PRDM15: variants seen among roughly 807,000 people sequenced by gnomAD.
PRDM15 encodes PR domain zinc finger protein 15.
PRDM15 carries 64 observed loss-of-function variants against 128.6 expected under a neutral mutation model. That is an observed-to-expected ratio of 0.50 (90% CI 0.41 to 0.61). The LOEUF is 0.61. PRDM15 is among the 20% of genes least tolerant of loss of function. The pLI, the probability that PRDM15 is intolerant of heterozygous loss-of-function variation, is 0.00. For missense variants in PRDM15, 1,242 were observed against 1,569.1 expected (o/e 0.79, Z 3.52); for synonymous variants, 615 against 621.8 (o/e 0.99, Z 0.16).
chr21:41,809,279 C>T (rs753128868), intron 21 of PRDM15, among the ~76,000 whole-genome samples: 113 of 148,432 alleles, frequency 7.6e-4, no homozygotes, highest in Middle Eastern at 7.1e-3. Flanking sequence ...GTCACCCAGG[C>T]TGGAGTGCAG....
At chr21:41,843,926 G>A (rs899851369) in intron 6 of PRDM15, among the ~76,000 whole-genome samples, 3 of 149,066 alleles carry the variant, frequency 2.0e-5, no homozygotes, top group Non-Finnish European at 3.0e-5. Context: ...TCCTGCCTGG[G>A]TGACAGGGCA....
intron 1 of PRDM15, among the ~76,000 whole-genome samples, chr21:41,866,718 G>A (rs932469465): frequency 6.6e-6 from 1 of 152,160 alleles, no homozygotes; most frequent in African/African-American, 2.4e-5. Context: ...ACCTAACATG[G>A]CCAGCTGGTG....
In PRDM15 at chr21:41,810,121, C is replaced by T. The variant is rs546305395; in HGVS notation, c.2652+33G>A. 116 of 1,583,298 alleles carry T rather than the reference C, an allele frequency of 7.3e-5. No homozygotes were observed. The East Asian group carries it at 1.6e-3, about 22-fold the overall frequency. ...GGGTGTCCGGTGCGCGGCCCGCTGG[C>T]GGGGCACGGAGGGGGCACAGCCACC... On this transcript the variant is annotated intron_variant, in intron 21 of 23. Coordinates refer to ENST00000398548, the MANE Select transcript of PRDM15 (RefSeq NM_001040424.3). This position sits in a 1 kb window ranked among gnomAD's most constrained non-coding sequence, Gnocchi z 6.4.
intron 8 of PRDM15, among the ~76,000 whole-genome samples, chr21:41,837,291 G>A (rs751016697): frequency 4.6e-5 from 7 of 152,168 alleles, no homozygotes; most frequent in Non-Finnish European, 7.3e-5. Flanking sequence ...GCAGCGTCAC[G>A]AAAGCTAGAA....
chr21:41,823,270 G>C (rs1292783934), intron 14 of PRDM15, 48 bp downstream of exon 14: 13 of 1,595,196 alleles, frequency 8.1e-6, no homozygotes, highest in Non-Finnish European at 1.1e-5. Context: ...CGCTGGCCTG[G>C]GGGCCTGCCG....
Position 41,818,288 on chromosome 21 carries a change from A to C in PRDM15, c.2260+1294T>G, listed in dbSNP as rs1330821852. 3.9e-5 allele frequency among the ~76,000 whole-genome samples: 6 copies of C among 152,092 alleles called. No homozygotes were observed. The East Asian group carries it at 1.2e-3, about 29-fold the overall frequency. On this transcript the variant is annotated intron_variant, in intron 18 of 23. Coordinates refer to ENST00000398548, the MANE Select transcript of PRDM15 (RefSeq NM_001040424.3). ...TACCGACATTCTGTTCAGAGAAACC[A>C]CCTGTCCCGCTAAGGCAGGCAGACA...
intron 6 of PRDM15, among the ~76,000 whole-genome samples, chr21:41,840,288 T>C (rs551330488): frequency 1.3e-5 from 2 of 151,822 alleles, no homozygotes; most frequent in African/African-American, 4.8e-5. Context: ...CTAATAAAAA[T>C]ACAAAAAGTT....
At chr21:41,822,912 ATAGT>A (rs917056821) in intron 14 of PRDM15, among the ~76,000 whole-genome samples, 1 of 151,996 alleles carries the variant, frequency 6.6e-6, no homozygotes, top group African/African-American at 2.4e-5. Flanking sequence ...GTGGATGCTT[ATAGT>A]TCCAGCTACT....
intron 11 of PRDM15, among the ~76,000 whole-genome samples, chr21:41,829,924 A>G (rs1247022425): frequency 8.1e-6 from 1 of 123,338 alleles, no homozygotes; most frequent in Non-Finnish European, 1.8e-5. Context: ...CACACCACTC[A>G]CCCCAAATAC....
chr21:41,834,886 C>T (rs532996121), intron 11 of PRDM15, among the ~76,000 whole-genome samples: 1 of 152,254 alleles, frequency 6.6e-6, no homozygotes, highest in Non-Finnish European at 1.5e-5. Flanking sequence ...CAGGCACACC[C>T]GGCTTCAGGC....
chr21:41,847,713 G>A (rs915799098), intron 5 of PRDM15, among the ~76,000 whole-genome samples: 16 of 152,198 alleles, frequency 1.1e-4, no homozygotes, highest in Non-Finnish European at 1.9e-4. Flanking sequence ...ATCCAGCAAG[G>A]CAGCCACTAA....
chr21:41,859,541 C>T lies in PRDM15; in HGVS notation c.131+51G>A, dbSNP rs777644536. ...CTGCAGACCCAAAGGCCACTAGGCT[C>T]CTGCCGCAGCTGGCATATGGAAGGC... On this transcript the variant is annotated intron_variant, in intron 3 of 23. Transcript: ENST00000398548. This position sits in a 1 kb window ranked among gnomAD's most constrained non-coding sequence, Gnocchi z 5.3. 4 of 1,474,694 alleles carry T rather than the reference C, an allele frequency of 2.7e-6. No individual in the cohort carries two copies. The highest frequency in any genetic ancestry group is 2.8e-5 in the African/African-American group (2 of 71,716). The allele number at this position is 1,474,694 out of a possible 1,614,324, so 91.4% of individuals were successfully genotyped here.
intron 19 of PRDM15, 130 bp downstream of exon 19, chr21:41,815,575 G>T: frequency 1.5e-6 from 2 of 1,295,918 alleles, no homozygotes; most frequent in Non-Finnish European, 2.1e-6. Flanking sequence ...AAGCTCTCTT[G>T]GGGAACCCGG....
chr21:41,802,802 G>A lies in PRDM15; in HGVS notation c.2853C>T (p.Asp951=), dbSNP rs756001265. Residue 951 remains aspartate (D), a synonymous_variant, in exon 23 of 24, where the codon GAC becomes GAT. Transcript: ENST00000398548. ...EEEAGAPVPE[D]ATFSEYSEKE... Reference sequence around the variant, plus strand: ...TCTCTGAGTATTCGCTGAAGGTGGCGTCCTCGGGCACCGGAGCACCCGCCT... The same window carrying A: ...TCTCTGAGTATTCGCTGAAGGTGGCATCCTCGGGCACCGGAGCACCCGCCT... 1.9e-5 allele frequency: 30 copies of A among 1,614,018 alleles called. No individual in the cohort carries two copies. The highest frequency in any genetic ancestry group is 2.2e-5 in the East Asian group (1 of 44,902).
chr21:41,804,280 A>AT lies in PRDM15; in HGVS notation c.2733+253dup, dbSNP rs1033104074. On this transcript the variant is annotated intron_variant, in intron 22 of 23. Coordinates refer to ENST00000398548, the MANE Select transcript of PRDM15 (RefSeq NM_001040424.3). ...CGCCCAGCCAATTGTTCTAATTTCT[A>AT]TTTTTTTCTGGAAAACATCTGTTTT... Among the ~76,000 whole-genome samples the AT allele has an allele frequency of 3.0e-4, 45 of 152,088 alleles. 1 individual carries two copies. Among genetic ancestry groups the AT allele is most frequent in the African/African-American group, 9.4e-4 (39 of 41,476 alleles).
rs957205412 is a variant in PRDM15, at chr21:41,798,988, T to C, written c.*2252A>G. ...GATTTTTCTTTAGAGTTCTCACTTA[T>C]AACAAGAAGTAAGAGGTGTCTGTGT... On this transcript the variant is annotated 3_prime_UTR_variant, in exon 24 of 24. Coordinates refer to ENST00000398548, the MANE Select transcript of PRDM15 (RefSeq NM_001040424.3). 3 of 152,208 alleles carry C rather than the reference T, an allele frequency of 2.0e-5. No homozygotes were observed. The highest frequency in any genetic ancestry group is 7.2e-5 in the African/African-American group (3 of 41,448). 9.4% of individuals were successfully genotyped at this position (152,208 alleles called of 1,614,324 possible).
chr21:41,875,884 C>T (rs1208437616), intron 1 of PRDM15, among the ~76,000 whole-genome samples: 5 of 152,128 alleles, frequency 3.3e-5, no homozygotes, highest in Non-Finnish European at 7.4e-5. Flanking sequence ...AAATGCATTG[C>T]TATGGGATTT....
intron 21 of PRDM15, among the ~76,000 whole-genome samples, chr21:41,805,632 T>A (rs142894851): frequency 3.9e-5 from 6 of 152,150 alleles, no homozygotes; most frequent in African/African-American, 1.4e-4. Context: ...TGAGCACAGA[T>A]CTATACTGTG....
Position 41,839,609 on chromosome 21 carries a change from G to A in PRDM15, c.871+14C>T, listed in dbSNP as rs747203137. 3.1e-5 allele frequency: 50 copies of A among 1,611,486 alleles called. No homozygotes were observed. In the East Asian group the frequency reaches 1.0e-3, roughly 34 times the overall value. On this transcript the variant is annotated intron_variant, in intron 7 of 23. Transcript: ENST00000398548. ...GCCCCACGCAGGCACTCATCCCCGG[G>A]ACCCGCTCATCACCTGTGGGTTCCT...
Sources: allele counts gnomAD v4.1 joint callset (sites outside exome capture counted in the v4.1 genomes callset), GRCh38; gene constraint gnomAD v4.1.1; non-coding constraint Gnocchi (gnomAD v3.1); transcripts MANE v1.5; gene names NCBI Gene and HGNC (gene_info 2026-07-23, HGNC 2026-07-21).